BDP1: variants seen among roughly 807,000 people sequenced by gnomAD.
BDP1 encodes transcription factor TFIIIB component B'' homolog.
In BDP1, 169 loss-of-function variants were observed where a neutral mutation model predicts 266.6. The observed-to-expected ratio is 0.63, with a 90% CI of 0.56 to 0.72. The LOEUF is 0.72. Ranked by LOEUF, BDP1 falls within the 30% of genes least tolerant of loss-of-function variation. The probability of loss-of-function intolerance (pLI) is 0.00; values close to 1 mark genes in which losing one functional copy is unlikely to be tolerated. For synonymous variants in BDP1, 1,090 were observed against 1,022.4 expected (o/e 1.07, Z -1.26); for missense variants, 3,015 against 3,053.8 (o/e 0.99, Z 0.30).
intron 16 of BDP1, among the ~76,000 whole-genome samples, chr5:71,506,816 CACACA>C (rs1561721915): frequency 1.5e-3 from 214 of 142,788 alleles, no homozygotes; most frequent in African/African-American, 5.3e-3. Flanking sequence ...CACACACACA[CACACA>C]CACCCATATT....
chr5:71,556,734 C>T, intron 35 of BDP1, 152 bp from the exon 36 acceptor site: 1 of 456,220 alleles, frequency 2.2e-6, no homozygotes. Flanking sequence ...AAAATAGTAG[C>T]AATATTTTTG....
intron 25 of BDP1, among the ~76,000 whole-genome samples, chr5:71,524,836 C>CT (rs1159997504): frequency 1.3e-5 from 2 of 150,478 alleles, no homozygotes; most frequent in East Asian, 1.9e-4. Flanking sequence ...GGCGATGACT[C>CT]TTAACGAGCA....
chr5:71,506,807 A>C (rs1193252685), intron 16 of BDP1, among the ~76,000 whole-genome samples: 1 of 139,798 alleles, frequency 7.2e-6, no homozygotes, highest in Admixed American at 7.2e-5. Context: ...ACACACACAC[A>C]CACACACACA....
At chr5:71,474,859 AT>A (rs144308360) in intron 7 of BDP1, among the ~76,000 whole-genome samples, 64,805 of 146,526 alleles carry the variant, frequency 0.44, 14,653 homozygotes, top group South Asian at 0.55. Flanking sequence ...AAAAAAAAAA[AT>A]ATATGATCCA....
Position 71,564,949 on chromosome 5 carries a change from CA to C in BDP1, c.*68del, listed in dbSNP as rs1277721391. ...GGATTTCCAGAGTCAATTACATCAACAAAACAGTATTTAGAGCAAAATATCA... is the reference window on the plus strand; with the variant it reads ...GGATTTCCAGAGTCAATTACATCAACAAACAGTATTTAGAGCAAAATATCA... On this transcript the variant is annotated 3_prime_UTR_variant, in exon 39 of 39. Transcript: ENST00000358731. 1 of 1,440,742 alleles carries C rather than the reference CA, an allele frequency of 6.9e-7. No individual in the cohort carries two copies. Among genetic ancestry groups the C allele is most frequent in the Admixed American group, 2.2e-5 (1 of 44,528 alleles). 89.2% of individuals were successfully genotyped at this position (1,440,742 alleles called of 1,614,324 possible).
chr5:71,556,557 T>C (rs1743229571), intron 35 of BDP1, among the ~76,000 whole-genome samples: 2 of 152,200 alleles, frequency 1.3e-5, no homozygotes, highest in African/African-American at 4.8e-5. Flanking sequence ...GATTTCATAG[T>C]GTCAGATCAT....
Position 71,566,620 on chromosome 5 carries a change from C to T in BDP1, c.*1735C>T, listed in dbSNP as rs539346507. 3.7e-4 allele frequency: 56 copies of T among 152,278 alleles called. No homozygotes were observed. Among genetic ancestry groups the T allele is most frequent in the African/African-American group, 1.3e-3 (55 of 41,566 alleles). 9.4% of individuals were successfully genotyped at this position (152,278 alleles called of 1,614,324 possible). ...GATGGTCTCTGTGGCAGCTACTCAG[C>T]TCTGCAATTTCAGTGTGAAAGAAGC... On this transcript the variant is annotated 3_prime_UTR_variant, in exon 39 of 39. Coordinates refer to ENST00000358731, the MANE Select transcript of BDP1 (RefSeq NM_018429.3).
At chr5:71,493,508 G>C (rs1360739509) in intron 11 of BDP1, among the ~76,000 whole-genome samples, 1 of 152,136 alleles carries the variant, frequency 6.6e-6, no homozygotes, top group Admixed American at 6.5e-5. Context: ...ACCTCAGCAT[G>C]AGCCACTGTG....
At chr5:71,571,766 TG>T (rs1211571151), downstream of BDP1, among the ~76,000 whole-genome samples, 2 of 152,182 alleles carry the variant, frequency 1.3e-5, no homozygotes, top group African/African-American at 4.8e-5. Flanking sequence ...CCCGAGTAGC[TG>T]GAACTACAGG....
At chr5:71,483,988 G>T in intron 8 of BDP1, 92 bp downstream of exon 8, 1 of 1,088,916 alleles carries the variant, frequency 9.2e-7, no homozygotes, top group Non-Finnish European at 1.4e-6. Flanking sequence ...TTTTAGATTT[G>T]TTTTGTTCCT....
In BDP1 at chr5:71,549,572, A is replaced by C; in HGVS notation, c.6961A>C (p.Lys2321Gln). The C allele has an allele frequency of 6.2e-7, 1 of 1,610,496 alleles. No homozygotes were observed. Among genetic ancestry groups the C allele is most frequent in the South Asian group, 1.1e-5 (1 of 89,686 alleles). The change falls in exon 34 of 39, where the codon AAA (lysine) becomes CAA (glutamine). Residue 2321 changes from lysine to glutamine, a missense_variant. Transcript: ENST00000358731. ...TTTACTGCCAGCTCCCATATTGGTC[A>C]AATCAGTGAATACCGAAGAAAGGGG... Reference protein sequence around the residue: ...NPLLPAPILVKSVNTEERGDM... With the variant: ...NPLLPAPILVQSVNTEERGDM...
At chr5:71,497,537 CAG>C (rs1229401137) in intron 13 of BDP1, 111 bp downstream of exon 13, 32 of 755,554 alleles carry the variant, frequency 4.2e-5, no homozygotes, top group African/African-American at 8.8e-5. Context: ...GATATTAAAA[CAG>C]ATACAAGAAC....
intron 11 of BDP1, among the ~76,000 whole-genome samples, chr5:71,491,693 A>G (rs1485423789): frequency 2.0e-5 from 3 of 152,066 alleles, no homozygotes; most frequent in East Asian, 3.9e-4. Flanking sequence ...GCCCTTGGCA[A>G]TCATGATTCT....
rs10641531 is a variant in BDP1, at chr5:71,490,899, G to GAC, written c.1493-84_1493-83insCA. ...TGTTGCTTAAGGTTTTGTAGGAAAA[G>GAC]AGTGTTATAGGTAAATTCCTTTGTG... is the stretch of plus-strand genomic sequence containing the variant. On this transcript the variant is annotated intron_variant, in intron 10 of 38. Coordinates refer to ENST00000358731, the MANE Select transcript of BDP1 (RefSeq NM_018429.3). 637,807 of 1,335,824 alleles carry GAC rather than the reference G, an allele frequency of 0.48. 155,018 individuals carry two copies. The highest frequency in any genetic ancestry group is 0.55 in the South Asian group (31,818 of 58,262). 82.7% of individuals were successfully genotyped at this position (1,335,824 alleles called of 1,614,324 possible).
Position 71,567,600 on chromosome 5 carries a change from T to C in BDP1, c.*2715T>C, listed in dbSNP as rs1298337947. On this transcript the variant is annotated 3_prime_UTR_variant, in exon 39 of 39. Transcript: ENST00000358731. ...CTTAGCAAGTGGTCAACATGAGGAT[T>C]TGAACGCCTAATTGTTGGTAAATGG... is the stretch of plus-strand genomic sequence containing the variant. The C allele has an allele frequency of 6.6e-6, 1 of 152,616 alleles. No individual in the cohort carries two copies. Among genetic ancestry groups the C allele is most frequent in the Admixed American group, 6.5e-5 (1 of 15,274 alleles). The allele number at this position is 152,616 out of a possible 1,614,324, so 9.5% of individuals were successfully genotyped here.
At chr5:71,503,984 A>G (rs1764415333) in intron 15 of BDP1, among the ~76,000 whole-genome samples, 1 of 151,502 alleles carries the variant, frequency 6.6e-6, no homozygotes, top group African/African-American at 2.4e-5. Context: ...TAAAAAAAAA[A>G]AATTCTGACC....
chr5:71,516,229 G>A lies in BDP1; in HGVS notation c.4818G>A (p.Thr1606=), dbSNP rs765909177. The A allele has an allele frequency of 2.5e-6, 4 of 1,613,086 alleles. No homozygotes were observed. Among genetic ancestry groups the A allele is most frequent in the East Asian group, 2.2e-5 (1 of 44,848 alleles). The change falls in exon 21 of 39, where the codon ACG becomes ACA. Residue 1606 remains threonine (T), a synonymous_variant. Coordinates refer to ENST00000358731, the MANE Select transcript of BDP1 (RefSeq NM_018429.3). ...AAGGCATAATTAAGGAAGGAAGAACGATATTACCAAAAGATGAAACTGAAA... is the reference window on the plus strand; with the variant it reads ...AAGGCATAATTAAGGAAGGAAGAACAATATTACCAAAAGATGAAACTGAAA... ...EAKGIIKEGR[T]ILPKDETEKK...
chr5:71,489,696 A>C lies in BDP1; in HGVS notation c.1492+14A>C. On this transcript the variant is annotated intron_variant, in intron 10 of 38. Transcript: ENST00000358731. ...AAAAACACAAGAGTAAGTTTCTTAC[A>C]TATTTAAAAAGCCTCTATATTACTT... 1 of 1,584,250 alleles carries C rather than the reference A, an allele frequency of 6.3e-7. No individual in the cohort carries two copies. Among genetic ancestry groups the C allele is most frequent in the South Asian group, 1.2e-5 (1 of 85,082 alleles).
In BDP1 at chr5:71,524,328, G is replaced by T; in HGVS notation, c.5772+5G>T. On this transcript the variant is annotated splice_donor_5th_base_variant and intron_variant, in intron 25 of 38. Transcript: ENST00000358731. Reference sequence around the variant, plus strand: ...ATTGAGGAAACAATGGAAGAGGTTCGGTTTTTTTTTAAAACCTTGGTACTT... The same window carrying T: ...ATTGAGGAAACAATGGAAGAGGTTCTGTTTTTTTTTAAAACCTTGGTACTT... 2 of 1,565,212 alleles carry T rather than the reference G, an allele frequency of 1.3e-6. No individual in the cohort carries two copies. The highest frequency in any genetic ancestry group is 1.2e-5 in the South Asian group (1 of 84,050).
Sources: gnomAD v4.1 joint callset for allele counts (sites outside exome capture counted in the v4.1 genomes callset) on GRCh38, gnomAD v4.1.1 for gene constraint, MANE v1.5 for transcripts, NCBI Gene and HGNC (gene_info 2026-07-23, HGNC 2026-07-21) for gene names.